Variants in DSCAM observed in about 807,000 individuals in gnomAD.
DSCAM encodes the protein cell adhesion molecule DSCAM.
In DSCAM, 47 loss-of-function variants were observed where a neutral mutation model predicts 217.7. The ratio of observed to expected loss-of-function variants is 0.22; its 90% CI spans 0.17 to 0.28. The LOEUF is 0.28. Ranked by LOEUF, DSCAM falls within the 10% of genes least tolerant of loss-of-function variation. The pLI, the probability that DSCAM is intolerant of heterozygous loss-of-function variation, is 1.00. For synonymous variants in DSCAM, 1,056 were observed against 1,015.3 expected (o/e 1.04, Z -0.76); for missense variants, 2,080 against 2,618.3 (o/e 0.79, Z 4.49).
At chr21:40,212,047 G>A (rs2091190300) in intron 11 of DSCAM, among the ~76,000 whole-genome samples, 1 of 151,628 alleles carries the variant, frequency 6.6e-6, no homozygotes, top group African/African-American at 2.4e-5. Flanking sequence ...TCTGCTCTCT[G>A]CAGCTTCCGC....
intron 5 of DSCAM, 120 bp downstream of exon 5, chr21:40,353,345 C>G: frequency 7.4e-7 from 1 of 1,351,102 alleles, no homozygotes; most frequent in Non-Finnish European, 1.0e-6. Context: ...TTCTGTTGAT[C>G]TCAGCTGGAC....
At chr21:40,157,180 G>A (rs1000439715) in intron 16 of DSCAM, among the ~76,000 whole-genome samples, 6 of 152,196 alleles carry the variant, frequency 3.9e-5, no homozygotes, top group Admixed American at 3.9e-4. Context: ...AAGTTTTACT[G>A]GATCCCAGCT....
chr21:40,676,374 G>A (rs1601841468), intron 3 of DSCAM, among the ~76,000 whole-genome samples: 1 of 152,162 alleles, frequency 6.6e-6, no homozygotes, highest in African/African-American at 2.4e-5. Flanking sequence ...TGCATGTTTT[G>A]CATCTGAAAT....
intron 1 of DSCAM, among the ~76,000 whole-genome samples, chr21:40,741,664 G>A (rs1008141208): frequency 3.9e-5 from 6 of 152,212 alleles, no homozygotes. Flanking sequence ...CTACCTGGCT[G>A]CACGGTAGAT....
intron 15 of DSCAM, among the ~76,000 whole-genome samples, chr21:40,168,875 C>T (rs544477158): frequency 5.3e-5 from 8 of 152,052 alleles, no homozygotes; most frequent in Admixed American, 2.0e-4. Context: ...GCTTTTTCTG[C>T]GGGTTACTTA....
intron 11 of DSCAM, among the ~76,000 whole-genome samples, chr21:40,271,719 A>G (rs1002626183): frequency 5.9e-5 from 9 of 152,180 alleles, no homozygotes; most frequent in African/African-American, 1.7e-4. Context: ...TTTGCCCACA[A>G]GGAAATTCCT....
At chr21:40,598,221 T>G (rs1225147444) in intron 3 of DSCAM, among the ~76,000 whole-genome samples, 3 of 152,136 alleles carry the variant, frequency 2.0e-5, no homozygotes, top group Non-Finnish European at 4.4e-5. Flanking sequence ...TTTTCAGACT[T>G]GCTTTCCTTG....
At position 40,429,792 on chromosome 21, in the gene DSCAM, T is replaced by C. The variant is rs1178783726; in HGVS notation, c.509-60547A>G. ...GGCTATTATTAAGTACTCCAGAATA[T>C]GTTACTTATTTTACTTATTTGATAA... On this transcript the variant is annotated intron_variant, in intron 3 of 32. Transcript: ENST00000400454. Among the ~76,000 whole-genome samples the C allele has an allele frequency of 2.6e-5, 4 of 152,258 alleles. No homozygotes were observed. In the East Asian group the frequency reaches 7.7e-4, roughly 29 times the overall value.
chr21:40,175,815 A>G (rs1379094030), intron 15 of DSCAM, among the ~76,000 whole-genome samples: 78 of 149,762 alleles, frequency 5.2e-4, no homozygotes, highest in South Asian at 1.1e-3. Flanking sequence ...ACACGCACAC[A>G]CACACACACG....
chr21:40,635,729 G>T (rs1244032614), intron 3 of DSCAM, among the ~76,000 whole-genome samples: 1 of 152,140 alleles, frequency 6.6e-6, no homozygotes, highest in Non-Finnish European at 1.5e-5. Flanking sequence ...GTGTATTTTA[G>T]TTTCTCTCTG....
At position 40,425,112 on chromosome 21, in the gene DSCAM, A is replaced by T. The variant is rs2075459620; in HGVS notation, c.509-55867T>A. 2.0e-5 allele frequency among the ~76,000 whole-genome samples: 3 copies of T among 152,314 alleles called. No individual in the cohort carries two copies. The South Asian group carries it at 6.2e-4, about 32-fold the overall frequency. ...CCATCTCAAAAAACAAACAAAAATTATCACAACAGAAGTTTAATCTCTTAC... is the reference window on the plus strand; with the variant it reads ...CCATCTCAAAAAACAAACAAAAATTTTCACAACAGAAGTTTAATCTCTTAC... On this transcript the variant is annotated intron_variant, in intron 3 of 32. Transcript: ENST00000400454.
chr21:40,486,194 C>T (rs1195973602), intron 3 of DSCAM, among the ~76,000 whole-genome samples: 1 of 152,190 alleles, frequency 6.6e-6, no homozygotes, highest in African/African-American at 2.4e-5. Context: ...GTAACACAGT[C>T]AACAAAGCAC....
chr21:40,387,952 G>A (rs867568122), intron 3 of DSCAM, among the ~76,000 whole-genome samples: 1 of 151,990 alleles, frequency 6.6e-6, no homozygotes, highest in Non-Finnish European at 1.5e-5. Context: ...TAAATCTACA[G>A]AAATTACTCA....
intron 32 of DSCAM, among the ~76,000 whole-genome samples, chr21:40,018,037 T>C (rs1038040213): frequency 3.2e-5 from 2 of 63,296 alleles, no homozygotes; most frequent in Non-Finnish European, 6.6e-5. Flanking sequence ...TGAAAGAATT[T>C]GAGTTTTTAA....
chr21:40,187,854 T>C (rs890061008), intron 13 of DSCAM, 37 bp downstream of exon 13: 2 of 1,556,762 alleles, frequency 1.3e-6, no homozygotes, highest in Non-Finnish European at 8.9e-7. Flanking sequence ...CATCCTGAAA[T>C]GACTGTGTTT....
chr21:40,056,180 G>A (rs538028937), intron 28 of DSCAM, among the ~76,000 whole-genome samples: 180 of 152,270 alleles, frequency 1.2e-3, no homozygotes, highest in African/African-American at 4.2e-3. Flanking sequence ...ATTTTCATTT[G>A]TCAGATGTGA....
chr21:40,733,836 T>C (rs570645336), intron 1 of DSCAM, among the ~76,000 whole-genome samples: 76 of 152,312 alleles, frequency 5.0e-4, no homozygotes, highest in African/African-American at 1.8e-3. Flanking sequence ...GGTTTGGTTC[T>C]GGGGTTTAGG....
At chr21:40,134,698 C>T (rs2090189133) in intron 18 of DSCAM, among the ~76,000 whole-genome samples, 1 of 152,168 alleles carries the variant, frequency 6.6e-6, no homozygotes, top group African/African-American at 2.4e-5. Flanking sequence ...TGTTAATTTG[C>T]TTGATTGTGG....
At chr21:40,644,649 A>G (rs772396831) in intron 3 of DSCAM, among the ~76,000 whole-genome samples, 2 of 152,180 alleles carry the variant, frequency 1.3e-5, no homozygotes, top group African/African-American at 2.4e-5. Flanking sequence ...GCTTAATAGA[A>G]ACCCTAAAGA....
Sources: allele counts gnomAD v4.1 joint callset (sites outside exome capture counted in the v4.1 genomes callset), GRCh38; gene constraint gnomAD v4.1.1; transcripts MANE v1.5; gene names NCBI Gene and HGNC (gene_info 2026-07-23, HGNC 2026-07-21).